Variants in EXOC2 observed in about 807,000 individuals in gnomAD.
EXOC2 encodes exocyst complex component 2.
EXOC2 carries 70 observed loss-of-function variants against 131.8 expected under a neutral mutation model. The observed-to-expected ratio is 0.53, with a 90% confidence interval of 0.44 to 0.65. The LOEUF is 0.65. Among genes scored for constraint, EXOC2 ranks in the 30% least tolerant of loss-of-function variants. The pLI is 0.00. For synonymous variants in EXOC2, 411 were observed against 398.4 expected (o/e 1.03, Z -0.38); for missense variants, 923 against 1,108.6 (o/e 0.83, Z 2.38).
intron 22 of EXOC2, among the ~76,000 whole-genome samples, chr6:543,817 G>C (rs944921346): frequency 1.1e-4 from 17 of 152,324 alleles, no homozygotes; most frequent in African/African-American, 4.1e-4. Context: ...GGAGGAAGAT[G>C]ACTGGTTAGG....
At chr6:495,772 C>G (rs768117227) in intron 25 of EXOC2, among the ~76,000 whole-genome samples, 29 of 152,180 alleles carry the variant, frequency 1.9e-4, no homozygotes, top group Non-Finnish European at 4.0e-4. Context: ...CATTTCCCTG[C>G]TAACTAACGA....
At chr6:531,385 G>GGCACAGAAAGTGTGT (rs1766069215) in intron 23 of EXOC2, among the ~76,000 whole-genome samples, 2 of 151,222 alleles carry the variant, frequency 1.3e-5, no homozygotes, top group South Asian at 4.2e-4. Context: ...ATGTGGTTTG[G>GGCACAGAAAGTGTGT]GCACAGAAAG....
chr6:550,768 A>G (rs1319641546), intron 21 of EXOC2, among the ~76,000 whole-genome samples: 1 of 152,128 alleles, frequency 6.6e-6, no homozygotes, highest in African/African-American at 2.4e-5. Flanking sequence ...AGTAAACCTC[A>G]CATTTCATCA....
rs1581566596 is a variant in EXOC2, at chr6:617,749, C to A, written c.623G>T (p.Gly208Val). The A allele has an allele frequency of 6.2e-7, 1 of 1,613,488 alleles. No homozygotes were observed. Among genetic ancestry groups the A allele is most frequent in the Middle Eastern group, 1.7e-4 (1 of 6,058 alleles). The change falls in exon 6 of 28, where the codon GGT (glycine) becomes GTT (valine). Residue 208 changes from glycine (G) to valine (V), a missense_variant. Gly to Val is a moderately radical substitution (Grantham distance 109). Coordinates refer to ENST00000230449, the MANE Select transcript of EXOC2 (RefSeq NM_018303.6). ...SEGSLAYVKG[G>V]LSTFFEAQDA... is the part of the protein sequence containing the mutation. Reference sequence around the variant, plus strand: ...CTGTGCTTCGAAGAATGTACTGAGACCGCCTTTCACATAGGCCAGGCTGCC... The same window carrying A: ...CTGTGCTTCGAAGAATGTACTGAGAACGCCTTTCACATAGGCCAGGCTGCC...
At chr6:586,615 C>A (rs1179794012) in intron 11 of EXOC2, among the ~76,000 whole-genome samples, 6 of 152,234 alleles carry the variant, frequency 3.9e-5, no homozygotes, top group Admixed American at 6.5e-5. Context: ...ACCAGCCAGC[C>A]TTCCCTTACC....
chr6:677,372 T>G (rs1764194589), intron 1 of EXOC2, among the ~76,000 whole-genome samples: 1 of 152,264 alleles, frequency 6.6e-6, no homozygotes, highest in Non-Finnish European at 1.5e-5. Context: ...TGAGGTGGTA[T>G]ATGTAGGAAT....
At chr6:553,390 A>T (rs200963537) in intron 21 of EXOC2, among the ~76,000 whole-genome samples, 1 of 149,942 alleles carries the variant, frequency 6.7e-6, no homozygotes, top group East Asian at 2.0e-4. Flanking sequence ...TTTGTGTATA[A>T]GTGTGTGTGT....
At chr6:592,421 A>C (rs758828909) in intron 11 of EXOC2, 48 bp downstream of exon 11, 2 of 1,487,804 alleles carry the variant, frequency 1.3e-6, no homozygotes, top group Non-Finnish European at 1.9e-6. Flanking sequence ...AGAATGCATC[A>C]AAATGACATG....
chr6:692,760 G>A (rs1443820597), intron 1 of EXOC2, among the ~76,000 whole-genome samples: 1 of 152,076 alleles, frequency 6.6e-6, no homozygotes, highest in Non-Finnish European at 1.5e-5. Flanking sequence ...GCCCCTCACC[G>A]GCGCAGGTGG....
chr6:598,973 CA>C (rs1561908188), intron 8 of EXOC2, 32 bp from the exon 9 acceptor site: 1 of 1,575,404 alleles, frequency 6.3e-7, no homozygotes, highest in East Asian at 2.2e-5. Flanking sequence ...TGAAAACTGT[CA>C]GTAATGCAAA....
chr6:546,470 G>C (rs2127561527), intron 22 of EXOC2, among the ~76,000 whole-genome samples: 1 of 152,282 alleles, frequency 6.6e-6, no homozygotes, highest in East Asian at 1.9e-4. Context: ...ACCAGCTTCA[G>C]GTCCTATTTT....
At chr6:634,440 T>A (rs1388762359) in intron 2 of EXOC2, among the ~76,000 whole-genome samples, 4 of 152,202 alleles carry the variant, frequency 2.6e-5, no homozygotes, top group Non-Finnish European at 5.9e-5. Context: ...GCACTAAGGT[T>A]TAGCAATGGC....
In EXOC2 at chr6:515,448, C is replaced by T. The variant is rs573555678; in HGVS notation, c.2381-15748G>A. 5.3e-5 allele frequency among the ~76,000 whole-genome samples: 8 copies of T among 152,340 alleles called. No individual in the cohort carries two copies. In the South Asian group the frequency reaches 1.4e-3, roughly 28 times the overall value. On this transcript the variant is annotated intron_variant, in intron 23 of 27. Transcript: ENST00000230449. Reference sequence around the variant, plus strand: ...TTGCTCTCTACAATCCTTAGAATGTCGGCACCACAGCAGGAGGCAGGCTTA... The same window carrying T: ...TTGCTCTCTACAATCCTTAGAATGTTGGCACCACAGCAGGAGGCAGGCTTA...
rs551995559 is a variant in EXOC2 at position 573,470 on chromosome 6, C to T, written c.1319-826G>A. On this transcript the variant is annotated intron_variant, in intron 12 of 27. Transcript: ENST00000230449. ...CACTGCAGAGTCCACCCCGTCCAGT[C>T]CTCAGCACAATGACGCCGCGGATCA... Among the ~76,000 whole-genome samples the T allele has an allele frequency of 3.9e-4, 60 of 152,272 alleles. 1 individual carries two copies. In the South Asian group the frequency reaches 0.012, roughly 31 times the overall value.
chr6:557,171 C>T (rs189952188), intron 17 of EXOC2, among the ~76,000 whole-genome samples: 98 of 152,216 alleles, frequency 6.4e-4, no homozygotes, highest in African/African-American at 2.3e-3. Context: ...CCAGGAACTA[C>T]TCTAGGTTAA....
intron 11 of EXOC2, among the ~76,000 whole-genome samples, chr6:585,093 A>G (rs1759130663): frequency 6.6e-6 from 1 of 152,392 alleles, no homozygotes; most frequent in East Asian, 1.9e-4. Context: ...TTTAACATGT[A>G]TAACAATTCA....
intron 23 of EXOC2, among the ~76,000 whole-genome samples, chr6:501,164 TATTATA>T (rs1764066872): frequency 2.3e-5 from 1 of 43,436 alleles, no homozygotes. Flanking sequence ...TATCTATATA[TATTATA>T]TATATCTATA....
intron 13 of EXOC2, among the ~76,000 whole-genome samples, chr6:567,038 C>T (rs959545565): frequency 1.3e-5 from 2 of 152,228 alleles, no homozygotes; most frequent in African/African-American, 4.8e-5. Context: ...ACTGACGAAA[C>T]CTTATCCAAA....
chr6:671,351 C>CA (rs112606289), intron 1 of EXOC2, among the ~76,000 whole-genome samples: 79,541 of 146,998 alleles, frequency 0.54, 22,114 homozygotes, highest in East Asian at 0.77. Flanking sequence ...ACAACAACAA[C>CA]AACAAAAAAA....
Sources: allele counts gnomAD v4.1 joint callset (sites outside exome capture counted in the v4.1 genomes callset), GRCh38; gene constraint gnomAD v4.1.1; transcripts MANE v1.5; gene names NCBI Gene and HGNC (gene_info 2026-07-23, HGNC 2026-07-21).